Variants in NCR1 observed in about 807,000 individuals in gnomAD.
NCR1 encodes the protein NK cell-activating receptor.
In NCR1, 30 loss-of-function variants were observed where a neutral mutation model predicts 32.5. The ratio of observed to expected loss-of-function variants is 0.92; its 90% CI spans 0.69 to 1.25. The LOEUF (loss-of-function observed/expected upper bound fraction) is 1.25, where lower values mean the gene tolerates loss of function less well. Among genes scored for constraint, NCR1 ranks in the 50% most tolerant of loss-of-function variants. NCR1 has a pLI of 0.00. For synonymous variants in NCR1, 169 were observed against 143.4 expected, an observed-to-expected ratio of 1.18 and a Z score of -1.28; for missense variants, 369 against 380.7, an observed-to-expected ratio of 0.97 and a Z score of 0.26.
At chr19:54,916,317 C>CTTTTTTTTTTTTTTTTTTTTTT (rs71181711), downstream of NCR1, among the ~76,000 whole-genome samples, 186 of 87,084 alleles carry the variant, frequency 2.1e-3, 17 homozygotes, top group Admixed American at 3.3e-3. Flanking sequence ...GAATATTGTG[C>CTTTTTTTTTTTTTTTTTTTTTT]TTTTTTTTTT....
chr19:54,915,771 G>A (rs1023624547), downstream of NCR1: 1 of 151,864 alleles, frequency 6.6e-6, no homozygotes, highest in African/African-American at 2.4e-5. Flanking sequence ...GAACCTGGGA[G>A]GCGGAGGTTG....
the NCR1 span, among the ~76,000 whole-genome samples, chr19:54,926,091 A>G: frequency 6.6e-6 from 1 of 152,082 alleles, no homozygotes. Flanking sequence ...CAAATAAGTC[A>G]TTGAAAAGAT....
Position 54,912,682 on chromosome 19 carries a change from G to T in NCR1, c.734-8G>T. On this transcript the variant is annotated splice_region_variant and splice_polypyrimidine_tract_variant and intron_variant, in intron 6 of 6. Coordinates refer to ENST00000291890, the MANE Select transcript of NCR1 (RefSeq NM_004829.7). The stretch of plus-strand genomic sequence containing the variant: ...CTGTCAGCGATCACCCTGTTCTCCT[G>T]CCTACAGACCATGCCCTCTGGGATC... 2 of 1,554,232 alleles carry T rather than the reference G, an allele frequency of 1.3e-6. No homozygotes were observed. Among genetic ancestry groups the T allele is most frequent in the Non-Finnish European group, 1.8e-6 (2 of 1,139,918 alleles).
At chr19:54,938,149 C>G in the NCR1 span, 6 of 1,613,880 alleles carry the variant, frequency 3.7e-6, no homozygotes, top group African/African-American at 8.0e-5. Flanking sequence ...CTTGAGGTTG[C>G]TGTTTGAGCT....
downstream of NCR1, among the ~76,000 whole-genome samples, chr19:54,913,786 G>A (rs146577946): frequency 4.6e-3 from 691 of 150,502 alleles, 8 homozygotes; most frequent in Middle Eastern, 0.014. Context: ...ACAAAAACTC[G>A]GCCAGGCACG....
chr19:54,910,672 C>T (rs941764449), intron 5 of NCR1, among the ~76,000 whole-genome samples: 1 of 152,188 alleles, frequency 6.6e-6, no homozygotes, highest in Non-Finnish European at 1.5e-5. Context: ...GATATCTTGA[C>T]TGTGCAGCAC....
At chr19:54,920,472 TA>T (rs2068225863), downstream of NCR1, among the ~76,000 whole-genome samples, 1 of 152,028 alleles carries the variant, frequency 6.6e-6, no homozygotes, top group Non-Finnish European at 1.5e-5. Context: ...TTTTCAGAGG[TA>T]ATTAAGGCTG....
chr19:54,903,371 T>TACACTC (rs1569535550), upstream of NCR1, among the ~76,000 whole-genome samples: 149 of 120,120 alleles, frequency 1.2e-3, 10 homozygotes, highest in African/African-American at 5.2e-3. Flanking sequence ...TACATGTATA[T>TACACTC]ATACATGTAT....
At chr19:54,931,228 C>G in the NCR1 span, among the ~76,000 whole-genome samples, 1 of 152,006 alleles carries the variant, frequency 6.6e-6, no homozygotes, top group Non-Finnish European at 1.5e-5. Flanking sequence ...TCAAGACCAG[C>G]CTGGCCAACA....
chr19:54,933,603 A>G, the NCR1 span: 7 of 1,614,234 alleles, frequency 4.3e-6, no homozygotes, highest in East Asian at 1.3e-4. Context: ...GGGTAACTCA[A>G]GCCCTCACAC....
chr19:54,903,385 T>TACACGC (rs1569535571), upstream of NCR1, among the ~76,000 whole-genome samples: 162 of 139,100 alleles, frequency 1.2e-3, 10 homozygotes, highest in African/African-American at 4.2e-3. Context: ...CATGTATGTA[T>TACACGC]ATACATATAT....
At chr19:54,930,434 G>T in the NCR1 span, 2 of 1,169,036 alleles carry the variant, frequency 1.7e-6, no homozygotes, top group Non-Finnish European at 2.5e-6. Flanking sequence ...TGCACTCCAG[G>T]CTGGGGGACA....
In NCR1 at chr19:54,912,960, G is replaced by A; in HGVS notation, c.*89G>A. Reference sequence around the variant, plus strand: ...GTGAGCTCTGTGTTGGACCCACGGAGGAGGGAGTCACTGCAGGGAAAGAGG... The same window carrying A: ...GTGAGCTCTGTGTTGGACCCACGGAAGAGGGAGTCACTGCAGGGAAAGAGG... On this transcript the variant is annotated 3_prime_UTR_variant, in exon 7 of 7. Coordinates refer to ENST00000291890, the MANE Select transcript of NCR1 (RefSeq NM_004829.7). The A allele has an allele frequency of 7.7e-7, 1 of 1,292,550 alleles. No individual in the cohort carries two copies. The highest frequency in any genetic ancestry group is 2.0e-4 in the Middle Eastern group (1 of 5,082). The allele number at this position is 1,292,550 out of a possible 1,614,324, so 80.1% of individuals were successfully genotyped here.
the NCR1 span, chr19:54,923,910 C>A: frequency 6.2e-7 from 1 of 1,608,046 alleles, no homozygotes; most frequent in Admixed American, 1.7e-5. Flanking sequence ...CCCAGAAATT[C>A]ATTCTCAACT....
chr19:54,924,668 A>G, the NCR1 span, among the ~76,000 whole-genome samples: 1 of 149,880 alleles, frequency 6.7e-6, no homozygotes, highest in Non-Finnish European at 1.5e-5. Context: ...GTGCACGGTG[A>G]CTCACGCCTA....
At chr19:54,903,400 A>ATACATATATGTATG (rs2067352193), upstream of NCR1, among the ~76,000 whole-genome samples, 1 of 139,672 alleles carries the variant, frequency 7.2e-6, no homozygotes, top group African/African-American at 2.7e-5. Flanking sequence ...ATATATGTAT[A>ATACATATATGTATG]TGTATGTATA....
the NCR1 span, chr19:54,927,820 A>G: frequency 1.3e-6 from 2 of 1,579,032 alleles, no homozygotes; most frequent in Non-Finnish European, 1.7e-6. Flanking sequence ...CTGAGCAGGT[A>G]GTGGCTCAAG....
intron 4 of NCR1, 57 bp from the exon 5 acceptor site, chr19:54,909,956 AGAATG>A: frequency 7.5e-7 from 1 of 1,332,950 alleles, no homozygotes; most frequent in Non-Finnish European, 1.0e-6. Flanking sequence ...AAAAAAAAAA[AGAATG>A]GCAAGACCGG....
chr19:54,918,826 G>C (rs533291071), downstream of NCR1, among the ~76,000 whole-genome samples: 1 of 151,858 alleles, frequency 6.6e-6, no homozygotes, highest in Non-Finnish European at 1.5e-5. Flanking sequence ...ACTAAAAATA[G>C]AAAAATACAT....
Sources: gnomAD v4.1 joint callset for allele counts (sites outside exome capture counted in the v4.1 genomes callset) on GRCh38, gnomAD v4.1.1 for gene constraint, MANE v1.5 for transcripts, NCBI Gene and HGNC (gene_info 2026-07-23, HGNC 2026-07-21) for gene names.